OIP5: variants seen among roughly 807,000 people sequenced by gnomAD.
OIP5 encodes the protein protein Mis18-beta.
OIP5 carries 24 observed loss-of-function variants against 20.3 expected under a neutral mutation model. The ratio of observed to expected loss-of-function variants is 1.18; its 90% CI spans 0.86 to 1.66. OIP5 has a LOEUF of 1.66. Ranked by LOEUF, OIP5 falls within the 40% of genes most tolerant of loss-of-function variation. The probability of loss-of-function intolerance (pLI) is 0.00; values close to 1 mark genes in which losing one functional copy is unlikely to be tolerated. For missense variants in OIP5, 339 were observed against 289.5 expected (o/e 1.17, Z -1.24); for synonymous variants, 143 against 121.3 (o/e 1.18, Z -1.17).
At chr15:41,319,447 G>A (rs190277215) in intron 3 of OIP5, among the ~76,000 whole-genome samples, 1 of 152,016 alleles carries the variant, frequency 6.6e-6, no homozygotes, top group Admixed American at 6.6e-5. Flanking sequence ...GTAGAGATGG[G>A]TTTCACCATG....
chr15:41,314,693 G>A lies in OIP5; in HGVS notation c.513-1339C>T, dbSNP rs899681990. Among the ~76,000 whole-genome samples, 4 of 150,124 alleles carry A rather than the reference G, an allele frequency of 2.7e-5. No individual in the cohort carries two copies. In the East Asian group the frequency reaches 8.0e-4, roughly 30 times the overall value. On this transcript the variant is annotated intron_variant, in intron 3 of 4. Coordinates refer to ENST00000220514, the MANE Select transcript of OIP5 (RefSeq NM_007280.2). ...GTCACCCAGGCTGAAGTGCAATGGC[G>A]AGATCTCGGCTCACTGCAACCTCCG...
At chr15:41,321,407 C>A (rs555522459) in intron 2 of OIP5, among the ~76,000 whole-genome samples, 89 of 152,336 alleles carry the variant, frequency 5.8e-4, no homozygotes, top group African/African-American at 2.0e-3. Flanking sequence ...CCGGCCACCA[C>A]CCTGTCTGGG....
chr15:41,321,185 C>A (rs1375185159), intron 2 of OIP5, among the ~76,000 whole-genome samples: 1 of 151,502 alleles, frequency 6.6e-6, no homozygotes, highest in East Asian at 2.0e-4. Context: ...CCAGCCGCCC[C>A]GTCCAGGAGG....
chr15:41,317,438 G>A (rs1036202159), intron 3 of OIP5, among the ~76,000 whole-genome samples: 2 of 149,640 alleles, frequency 1.3e-5, no homozygotes, highest in Non-Finnish European at 3.0e-5. Flanking sequence ...GGAGTGCAGT[G>A]GCGCGATCTT....
In OIP5 at chr15:41,319,734, A is replaced by G; in HGVS notation, c.436T>C (p.Phe146Leu). Reference sequence around the variant, plus strand: ...GCAGCATGGGTAGAATACAGATGGAAACCAACGGGAATCCCACAAGAACCA... The same window carrying G: ...GCAGCATGGGTAGAATACAGATGGAGACCAACGGGAATCCCACAAGAACCA... ...FCGSCGIPVGFHLYSTHAALA... is the reference protein window; with the variant it reads ...FCGSCGIPVGLHLYSTHAALA... The change falls in exon 3 of 5, where the codon TTC becomes CTC. Residue 146 changes from phenylalanine to leucine, a missense_variant. By Grantham distance (22) the Phe-to-Leu change is conservative. Transcript: ENST00000220514. The G allele has an allele frequency of 6.2e-7, 1 of 1,613,830 alleles. No individual in the cohort carries two copies. Among genetic ancestry groups the G allele is most frequent in the Non-Finnish European group, 8.5e-7 (1 of 1,179,766 alleles).
At position 41,319,897 on chromosome 15, in the gene OIP5, T is replaced by C. The variant is rs111316525; in HGVS notation, c.390-117A>G. ...AGTCAGGGTGAAAATTACATTGTAA[T>C]AGGAATGAGACGGAAAGAATGTCAC... On this transcript the variant is annotated intron_variant, in intron 2 of 4. Transcript: ENST00000220514. The C allele has an allele frequency of 9.1e-6, 7 of 768,360 alleles. No homozygotes were observed. In the African/African-American group the frequency reaches 1.1e-4, roughly 12 times the overall value. 47.6% of individuals were successfully genotyped at this position (768,360 alleles called of 1,614,324 possible).
chr15:41,320,992 AG>A (rs1363998202), intron 2 of OIP5, among the ~76,000 whole-genome samples: 1 of 146,488 alleles, frequency 6.8e-6, no homozygotes, highest in Non-Finnish European at 1.5e-5. Flanking sequence ...CTGGGAGGTG[AG>A]GAGCGTCTCT....
intron 2 of OIP5, among the ~76,000 whole-genome samples, chr15:41,326,441 T>G (rs1216351574): frequency 6.6e-6 from 1 of 152,194 alleles, no homozygotes. Context: ...TTGTGATTTT[T>G]TGAGATGGAG....
At chr15:41,331,076 T>C (rs2047902141) in intron 2 of OIP5, among the ~76,000 whole-genome samples, 1 of 152,232 alleles carries the variant, frequency 6.6e-6, no homozygotes, top group African/African-American at 2.4e-5. Context: ...GAAATCTTCC[T>C]GGTTACTGGA....
At chr15:41,330,261 G>A (rs1258178394) in intron 2 of OIP5, among the ~76,000 whole-genome samples, 4 of 151,558 alleles carry the variant, frequency 2.6e-5, no homozygotes, top group Non-Finnish European at 4.4e-5. Flanking sequence ...CACCATGCCC[G>A]GCTAATTTTG....
intron 3 of OIP5, 56 bp downstream of exon 3, chr15:41,319,602 G>T: frequency 6.5e-7 from 1 of 1,534,870 alleles, no homozygotes; most frequent in Non-Finnish European, 8.8e-7. Context: ...GATGGACTTT[G>T]TCTCAAAATA....
In OIP5 at chr15:41,309,745, G is replaced by GGTA. The variant is rs1372876994; in HGVS notation, c.*6_*8dup. 6.3e-7 allele frequency: 1 copy of GGTA among 1,589,934 alleles called. No homozygotes were observed. The highest frequency in any genetic ancestry group is 8.6e-7 in the Non-Finnish European group (1 of 1,159,730). On this transcript the variant is annotated 3_prime_UTR_variant, in exon 5 of 5. Transcript: ENST00000220514. ...AGCCTGAACCTGACACTCAAGCTTT[G>GGTA]GTACAGGATCAGTTTTCTGGCTTGG...
chr15:41,332,013 C>T (rs1187904803), intron 1 of OIP5, 32 bp from the exon 2 acceptor site: 5 of 1,603,864 alleles, frequency 3.1e-6, no homozygotes, highest in South Asian at 1.1e-5. Flanking sequence ...AGAACCCATA[C>T]TCTGCGGGCC....
At chr15:41,320,117 A>G (rs192028715) in intron 2 of OIP5, among the ~76,000 whole-genome samples, 146 of 152,326 alleles carry the variant, frequency 9.6e-4, no homozygotes, top group African/African-American at 3.4e-3. Flanking sequence ...ATCATGTAAA[A>G]TGGCTATCAT....
chr15:41,311,093 A>G (rs2047750958), intron 4 of OIP5, among the ~76,000 whole-genome samples: 1 of 152,072 alleles, frequency 6.6e-6, no homozygotes, highest in Admixed American at 6.6e-5. Flanking sequence ...AAGCACTTGA[A>G]CCTGGCACTC....
intron 2 of OIP5, among the ~76,000 whole-genome samples, chr15:41,326,715 C>T (rs1275468341): frequency 6.6e-6 from 1 of 152,104 alleles, no homozygotes; most frequent in Non-Finnish European, 1.5e-5. Flanking sequence ...TGTGAGCCAC[C>T]GTGCCCGGCC....
At chr15:41,318,844 G>A (rs187126680) in intron 3 of OIP5, among the ~76,000 whole-genome samples, 11 of 150,792 alleles carry the variant, frequency 7.3e-5, no homozygotes, top group Admixed American at 4.0e-4. Context: ...ATAGGGGCAC[G>A]CCGCCACATC....
chr15:41,327,830 G>C (rs1019246883), intron 2 of OIP5, among the ~76,000 whole-genome samples: 2 of 143,594 alleles, frequency 1.4e-5, no homozygotes, highest in African/African-American at 5.3e-5. Context: ...AAGAAAGGCT[G>C]AGTGCAGTGG....
chr15:41,323,109 TAA>T (rs951935766), intron 2 of OIP5, among the ~76,000 whole-genome samples: 1 of 152,104 alleles, frequency 6.6e-6, no homozygotes, highest in South Asian at 2.1e-4. Context: ...AAATATGAAA[TAA>T]AGTGTCATTA....
Sources: allele counts gnomAD v4.1 joint callset (sites outside exome capture counted in the v4.1 genomes callset), GRCh38; gene constraint gnomAD v4.1.1; transcripts MANE v1.5; gene names NCBI Gene and HGNC (gene_info 2026-07-23, HGNC 2026-07-21).